SKA1: variants seen among roughly 807,000 people sequenced by gnomAD.
SKA1 encodes spindle and kinetochore associated complex subunit 1, also known as SKA complex subunit 1.
Under a neutral mutation model 31.8 loss-of-function variants are expected in SKA1, and 20 were observed. The observed-to-expected ratio is 0.63, with a 90% CI of 0.44 to 0.91. The LOEUF is 0.91. SKA1 is among the 40% of genes least tolerant of loss of function. The pLI, the probability that SKA1 is intolerant of heterozygous loss-of-function variation, is 0.00. For synonymous variants in SKA1, 88 were observed against 100.5 expected, an observed-to-expected ratio of 0.88 and a Z score of 0.74; for missense variants, 253 against 298.2, an observed-to-expected ratio of 0.85 and a Z score of 1.12.
intron 4 of SKA1, among the ~76,000 whole-genome samples, chr18:50,384,022 G>A (rs907335122): frequency 2.0e-5 from 3 of 152,100 alleles, no homozygotes; most frequent in African/African-American, 4.8e-5. Flanking sequence ...GCCTTTCTGG[G>A]GATTCCCTTG....
At chr18:50,389,989 T>A (rs2041344027) in intron 5 of SKA1, among the ~76,000 whole-genome samples, 1 of 152,184 alleles carries the variant, frequency 6.6e-6, no homozygotes, top group South Asian at 2.1e-4. Flanking sequence ...AGCATAGAGT[T>A]TTTATTTACT....
At chr18:50,380,642 A>T (rs7228766) in intron 3 of SKA1, among the ~76,000 whole-genome samples, 104,423 of 152,070 alleles carry the variant, frequency 0.69, 36,002 homozygotes, top group East Asian at 0.81. Context: ...GGTTTCAAGA[A>T]CCTCATCTGA....
Position 50,392,157 on chromosome 18 carries a change from G to A in SKA1, c.678G>A (p.Lys226=), listed in dbSNP as rs772362298. The A allele has an allele frequency of 6.2e-7, 1 of 1,610,372 alleles. No homozygotes were observed. The highest frequency in any genetic ancestry group is 1.1e-5 in the South Asian group (1 of 90,036). Residue 226 remains lysine, a synonymous_variant, in exon 7 of 7, where the codon AAG becomes AAA. Coordinates refer to ENST00000285116, the MANE Select transcript of SKA1 (RefSeq NM_145060.4). ...AGTTCACAACTTTGAAAGCTGACAA[G>A]AAGTTTCACGTGTTACTGAATATTT... ...IKEFTTLKAD[K]KFHVLLNILR...
In SKA1 at chr18:50,391,223, A is replaced by G. The variant is rs367712297; in HGVS notation, c.549A>G (p.Lys183=). 4.8e-5 allele frequency: 77 copies of G among 1,606,036 alleles called. No individual in the cohort carries two copies. Among genetic ancestry groups the G allele is most frequent in the Non-Finnish European group, 6.4e-5 (75 of 1,178,234 alleles). The change falls in exon 6 of 7, where the codon AAA becomes AAG. Residue 183 remains lysine (K), a synonymous_variant. Coordinates refer to ENST00000285116, the MANE Select transcript of SKA1 (RefSeq NM_145060.4). The part of the protein sequence containing the change: ...ISKYKILHQP[K]KSMNSVTRNL... ...AATATAAAATCCTACATCAGCCAAA[A>G]AAGTCTATGAATTCTGTGACCAGAA... is the stretch of plus-strand genomic sequence containing the variant.
At position 50,390,669 on chromosome 18, in the gene SKA1, G is replaced by T. The variant is rs182967256; in HGVS notation, c.450-455G>T. ...CAACTTTGTTGTGGTCTTCTTTGTT[G>T]CCCTTCATCTTCCCTTCCTCCTCCT... On this transcript the variant is annotated intron_variant, in intron 5 of 6. Transcript: ENST00000285116. Among the ~76,000 whole-genome samples, 9 of 152,142 alleles carry T rather than the reference G, an allele frequency of 5.9e-5. No individual in the cohort carries two copies. In the East Asian group the frequency reaches 1.7e-3, roughly 29 times the overall value.
Position 50,393,087 on chromosome 18 carries a change from A to G in SKA1, c.*840A>G, listed in dbSNP as rs540093671. 1 of 152,276 alleles carries G rather than the reference A, an allele frequency of 6.6e-6. No homozygotes were observed. Among genetic ancestry groups the G allele is most frequent in the East Asian group, 1.9e-4 (1 of 5,198 alleles). 9.4% of individuals were successfully genotyped at this position (152,276 alleles called of 1,614,324 possible). On this transcript the variant is annotated 3_prime_UTR_variant, in exon 7 of 7. Coordinates refer to ENST00000285116, the MANE Select transcript of SKA1 (RefSeq NM_145060.4). ...CCAAATATTTAACTACCTGCTGAAT[A>G]CGCCTCTGTACTAGGCACATAATGG...
chr18:50,386,183 A>G (rs180764416), intron 5 of SKA1, among the ~76,000 whole-genome samples: 2,341 of 151,614 alleles, frequency 0.015, 54 homozygotes, highest in East Asian at 0.085. Context: ...GTCATATAAT[A>G]TATAGCTATC....
chr18:50,382,185 C>T lies in SKA1; in HGVS notation c.270C>T (p.Asn90=). The T allele has an allele frequency of 6.5e-7, 1 of 1,542,738 alleles. No individual in the cohort carries two copies. ...AAGACATAGAACATCTTAAAGAAAA[C>T]GTTCCTTCCCATTTGCCTCAAGTAA... ...DYKDIEHLKE[N]VPSHLPQVTV... is the part of the protein sequence containing the mutation. Residue 90 remains asparagine, a synonymous_variant, in exon 4 of 7, where the codon AAC becomes AAT. Coordinates refer to ENST00000285116, the MANE Select transcript of SKA1 (RefSeq NM_145060.4).
intron 2 of SKA1, among the ~76,000 whole-genome samples, chr18:50,378,120 A>C (rs1418495601): frequency 6.6e-6 from 1 of 152,224 alleles, no homozygotes; most frequent in Non-Finnish European, 1.5e-5. Flanking sequence ...ATGTTTAATA[A>C]TGAGTCTTGT....
intron 2 of SKA1, among the ~76,000 whole-genome samples, chr18:50,378,633 C>A (rs574051166): frequency 6.7e-6 from 1 of 149,528 alleles, no homozygotes; most frequent in South Asian, 2.1e-4. Flanking sequence ...TCCGATGGTG[C>A]CACTGAACTC....
rs1234454681 is a variant in SKA1, at chr18:50,391,114, T to G, written c.450-10T>G. 5 of 1,487,698 alleles carry G rather than the reference T, an allele frequency of 3.4e-6. No individual in the cohort carries two copies. The highest frequency in any genetic ancestry group is 2.4e-5 in the Admixed American group (1 of 42,256). The allele number at this position is 1,487,698 out of a possible 1,614,324, so 92.2% of individuals were successfully genotyped here. A position where few individuals can be genotyped will look rare whatever the true frequency, so the allele number is the denominator to read the frequency against. ...TTTAAAACAATAATTAGCCATATAC[T>G]TTTTTACAGGTACATGAAATCCCGC... On this transcript the variant is annotated splice_polypyrimidine_tract_variant and intron_variant, in intron 5 of 6. Transcript: ENST00000285116.
intron 5 of SKA1, among the ~76,000 whole-genome samples, chr18:50,385,711 C>T (rs1414903651): frequency 2.6e-5 from 4 of 152,136 alleles, no homozygotes; most frequent in Admixed American, 1.3e-4. Context: ...GTTTGGTTTC[C>T]GTTTGTGCAT....
intron 5 of SKA1, among the ~76,000 whole-genome samples, chr18:50,390,840 A>G (rs765846215): frequency 6.6e-6 from 1 of 152,232 alleles, no homozygotes; most frequent in Non-Finnish European, 1.5e-5. Context: ...GCAGTTAATC[A>G]GTCCATTTGA....
At chr18:50,381,977 A>G (rs2041267373) in intron 3 of SKA1, 152 bp from the exon 4 acceptor site, 2 of 550,156 alleles carry the variant, frequency 3.6e-6, no homozygotes, top group African/African-American at 2.0e-5. Flanking sequence ...CACCCGCCTT[A>G]GCCTCCCAAG....
intron 5 of SKA1, among the ~76,000 whole-genome samples, chr18:50,387,622 G>A (rs546634263): frequency 4.6e-5 from 7 of 152,148 alleles, no homozygotes; most frequent in Admixed American, 3.3e-4. Flanking sequence ...CTTCAAGTTC[G>A]CTGATTCTTT....
At chr18:50,385,665 T>G (rs2041301399) in intron 5 of SKA1, among the ~76,000 whole-genome samples, 1 of 152,184 alleles carries the variant, frequency 6.6e-6, no homozygotes, top group Middle Eastern at 3.2e-3. Context: ...ATCGAGTGTG[T>G]TGTGTAGAAT....
intron 5 of SKA1, among the ~76,000 whole-genome samples, chr18:50,386,410 A>G (rs1160451289): frequency 6.6e-6 from 1 of 152,230 alleles, no homozygotes; most frequent in Non-Finnish European, 1.5e-5. Flanking sequence ...TATTTAATAA[A>G]GTATATTTCT....
chr18:50,383,034 AAAATAAAT>A (rs146272081), intron 4 of SKA1, among the ~76,000 whole-genome samples: 11 of 151,818 alleles, frequency 7.2e-5, no homozygotes, highest in Non-Finnish European at 1.3e-4. Flanking sequence ...ACCCTGCCTC[AAAATAAAT>A]AAATAAATAA....
Position 50,386,939 on chromosome 18 carries a change from C to A in SKA1, c.449+1586C>A, listed in dbSNP as rs1395033054. ...TTATTCATTCACCTATTGAAGCAATCTTAGTTCCTTCCAGTTTGGTGCAAC... is the reference window on the plus strand; with the variant it reads ...TTATTCATTCACCTATTGAAGCAATATTAGTTCCTTCCAGTTTGGTGCAAC... On this transcript the variant is annotated intron_variant, in intron 5 of 6. Transcript: ENST00000285116. 4.6e-5 allele frequency among the ~76,000 whole-genome samples: 7 copies of A among 152,204 alleles called. No homozygotes were observed. In the East Asian group the frequency reaches 1.2e-3, roughly 25 times the overall value.
Sources: allele counts gnomAD v4.1 joint callset (sites outside exome capture counted in the v4.1 genomes callset), GRCh38; gene constraint gnomAD v4.1.1; transcripts MANE v1.5; gene names NCBI Gene and HGNC (gene_info 2026-07-23, HGNC 2026-07-21).